ABCC2: variants seen among roughly 807,000 people sequenced by gnomAD.
ABCC2 encodes ATP binding cassette subfamily C member 2, also known as ATP-binding cassette sub-family C member 2.
A neutral mutation model predicts 173.4 loss-of-function variants in ABCC2; 157 were observed. That is an observed-to-expected ratio of 0.91 (90% confidence interval 0.80 to 1.03). The LOEUF is 1.03. Among genes scored for constraint, ABCC2 ranks in the 50% least tolerant of loss-of-function variants. The pLI is 0.00. For missense variants in ABCC2, 1,822 were observed against 1,852.3 expected (o/e 0.98, Z 0.30); for synonymous variants, 657 against 693.5 (o/e 0.95, Z 0.83).
intron 19 of ABCC2, among the ~76,000 whole-genome samples, chr10:99,824,426 T>A (rs1164355608): frequency 6.6e-6 from 1 of 152,172 alleles, no homozygotes; most frequent in Non-Finnish European, 1.5e-5. Context: ...AACAGTCAAT[T>A]AATTTATCTT....
intron 16 of ABCC2, 105 bp downstream of exon 16, chr10:99,813,249 T>A (rs1435698204): frequency 7.1e-7 from 1 of 1,415,040 alleles, no homozygotes; most frequent in Non-Finnish European, 9.7e-7. Context: ...GGTGAGGTCT[T>A]GGAGACATCC....
At position 99,830,813 on chromosome 10, in the gene ABCC2, C is replaced by A; in HGVS notation, c.2845C>A (p.Gln949Lys). The change falls in exon 21 of 32, where the codon CAA (glutamine) becomes AAA (lysine). Residue 949 changes from glutamine to lysine, a missense_variant. Gln to Lys is a moderately conservative substitution (Grantham distance 53). Coordinates refer to ENST00000647814, the MANE Select transcript of ABCC2 (RefSeq NM_000392.5). Reference protein sequence around the residue: ...LKEDEELVKGQKLIKKEFIET... With the variant: ...LKEDEELVKGKKLIKKEFIET... ...GGAAGACGAAGAACTAGTGAAAGGA[C>A]AAAAACTAATTAAGAAGGAATTCAT... 1 of 1,613,940 alleles carries A rather than the reference C, an allele frequency of 6.2e-7. No homozygotes were observed. The highest frequency in any genetic ancestry group is 8.5e-7 in the Non-Finnish European group (1 of 1,179,964).
rs1037549609 is a variant in ABCC2 at position 99,782,831 on chromosome 10, G to T, written c.-14G>T. 1.2e-6 allele frequency: 2 copies of T among 1,613,408 alleles called. No individual in the cohort carries two copies. Among genetic ancestry groups the T allele is most frequent in the Non-Finnish European group, 1.7e-6 (2 of 1,179,548 alleles). On this transcript the variant is annotated 5_prime_UTR_variant, in exon 1 of 32. Transcript: ENST00000647814. ...TAATAGAAGAGTCTTCGTTCCAGAC[G>T]CAGTCCAGGAATCATGCTGGAGAAG...
At chr10:99,846,373 C>T (rs1465103676) in intron 29 of ABCC2, among the ~76,000 whole-genome samples, 1 of 152,198 alleles carries the variant, frequency 6.6e-6, no homozygotes, top group Non-Finnish European at 1.5e-5. Context: ...CTGGTGTTTG[C>T]TCAGTTCGAT....
In ABCC2 at chr10:99,814,190, C is replaced by T. The variant is rs565567278; in HGVS notation, c.2094+1046C>T. Among the ~76,000 whole-genome samples the T allele has an allele frequency of 5.0e-4, 44 of 88,778 alleles. 5 individuals are homozygous for T. The highest frequency in any genetic ancestry group is 1.5e-3 in the Admixed American group (14 of 9,044). The allele number at this position is 88,778 out of a possible 152,430, so 58.2% of individuals were successfully genotyped here. A position where few individuals can be genotyped will look rare whatever the true frequency, so the allele number is the denominator to read the frequency against. On this transcript the variant is annotated intron_variant, in intron 16 of 31. Coordinates refer to ENST00000647814, the MANE Select transcript of ABCC2 (RefSeq NM_000392.5). ...ATATATACACACATGTATGTATACA[C>T]ACATGTGTATATATACACACATGTG... is the stretch of plus-strand genomic sequence containing the variant.
At chr10:99,790,945 G>T (rs1009122879) in intron 2 of ABCC2, among the ~76,000 whole-genome samples, 2 of 152,170 alleles carry the variant, frequency 1.3e-5, no homozygotes, top group African/African-American at 4.8e-5. Context: ...CATGAGGGGA[G>T]GGGAGATGGT....
chr10:99,800,668 C>A, intron 9 of ABCC2, 105 bp downstream of exon 9: 1 of 1,317,950 alleles, frequency 7.6e-7, no homozygotes, highest in Non-Finnish European at 1.1e-6. Flanking sequence ...CTTATCTCAA[C>A]ACTTAATGTT....
rs2038562051 is a variant in ABCC2 at position 99,822,880 on chromosome 10, T to TA, written c.2620+3613dup. Among the ~76,000 whole-genome samples the TA allele has an allele frequency of 2.0e-5, 3 of 152,170 alleles. No individual in the cohort carries two copies. The South Asian group carries it at 6.2e-4, about 31-fold the overall frequency. On this transcript the variant is annotated intron_variant, in intron 19 of 31. Coordinates refer to ENST00000647814, the MANE Select transcript of ABCC2 (RefSeq NM_000392.5). ...TTGTATGTGAAATTTTCCACTGACT[T>TA]AAGAATTTTTGGAAAGCTTTACTAC...
chr10:99,845,501 T>C lies in ABCC2; in HGVS notation c.3988-123T>C, dbSNP rs1318183549. ...CTCACCAAAACCAAAATCAGTTTAA[T>C]ATCTTAGAGATGGAGTAGCCAGTCA... On this transcript the variant is annotated intron_variant, in intron 28 of 31. Transcript: ENST00000647814. 20 of 1,275,542 alleles carry C rather than the reference T, an allele frequency of 1.6e-5. No individual in the cohort carries two copies. The African/African-American group carries it at 1.9e-4, about 12-fold the overall frequency. The allele number at this position is 1,275,542 out of a possible 1,614,324, so 79.0% of individuals were successfully genotyped here.
Position 99,808,143 on chromosome 10 carries a change from C to CA in ABCC2, c.1733dup (p.Ala579GlyfsTer43). On this transcript the variant is annotated frameshift_variant, in exon 13 of 32. Coordinates refer to ENST00000647814, the MANE Select transcript of ABCC2 (RefSeq NM_000392.5). LOFTEE classifies it high-confidence loss of function. ...GGATAGCAACAATATTTTGGATGCA[C>CA]AAAAGGCCTTCACCTCCATTACCCT... is the stretch of plus-strand genomic sequence containing the variant. 6.2e-7 allele frequency: 1 copy of CA among 1,614,058 alleles called. No homozygotes were observed. The highest frequency in any genetic ancestry group is 1.6e-4 in the Middle Eastern group (1 of 6,062).
intron 7 of ABCC2, chr10:99,797,714 ATCTTTTGTGAG>A (rs1349340482): frequency 3.9e-6 from 1 of 259,302 alleles, no homozygotes; most frequent in Non-Finnish European, 7.5e-6. Flanking sequence ...AAGATTGCTC[ATCTTTTGTGAG>A]CTAGAAAATA....
intron 16 of ABCC2, among the ~76,000 whole-genome samples, chr10:99,815,886 C>T (rs1273542474): frequency 2.0e-5 from 3 of 152,018 alleles, no homozygotes; most frequent in Non-Finnish European, 4.4e-5. Context: ...CTTCTAACTC[C>T]TTTTGGGAAG....
chr10:99,812,076 C>T (rs1271719647), intron 15 of ABCC2, among the ~76,000 whole-genome samples: 2 of 152,234 alleles, frequency 1.3e-5, no homozygotes, highest in Non-Finnish European at 2.9e-5. Flanking sequence ...AATTCATCCA[C>T]TGAGCACAGC....
chr10:99,828,045 C>G (rs113302397), intron 19 of ABCC2, among the ~76,000 whole-genome samples: 13 of 148,666 alleles, frequency 8.7e-5, no homozygotes, highest in African/African-American at 3.2e-4. Context: ...CTAGAGTTCT[C>G]TGAGTTATTG....
chr10:99,814,781 A>G (rs1264367103), intron 16 of ABCC2, among the ~76,000 whole-genome samples: 3 of 113,818 alleles, frequency 2.6e-5, no homozygotes, highest in African/African-American at 1.2e-4. Context: ...GTGTGTATGT[A>G]TATACACACA....
chr10:99,818,301 A>C (rs2038458335), intron 17 of ABCC2, among the ~76,000 whole-genome samples: 1 of 152,238 alleles, frequency 6.6e-6, no homozygotes, highest in South Asian at 2.1e-4. Flanking sequence ...CCTCTAAATA[A>C]AGACCCTGCA....
In ABCC2 at chr10:99,851,769, T is replaced by C. The variant is rs1326370975; in HGVS notation, c.*138T>C. ...AAGGATAAGTGAACACCCATGAACC[T>C]ACTACCCAGGTTAAGAAAATAAATG... On this transcript the variant is annotated 3_prime_UTR_variant, in exon 32 of 32. Transcript: ENST00000647814. The C allele has an allele frequency of 7.1e-6, 6 of 840,900 alleles. No individual in the cohort carries two copies. Among genetic ancestry groups the C allele is most frequent in the African/African-American group, 1.7e-5 (1 of 57,752 alleles). The allele number at this position is 840,900 out of a possible 1,614,324, so 52.1% of individuals were successfully genotyped here.
At chr10:99,794,798 C>T (rs933831019) in intron 6 of ABCC2, among the ~76,000 whole-genome samples, 1 of 152,164 alleles carries the variant, frequency 6.6e-6, no homozygotes, top group Non-Finnish European at 1.5e-5. Context: ...GCCTTGGCCT[C>T]TCTACGTGCT....
chr10:99,801,158 C>G (rs540612801), intron 9 of ABCC2, among the ~76,000 whole-genome samples: 2 of 152,252 alleles, frequency 1.3e-5, no homozygotes, highest in Non-Finnish European at 2.9e-5. Flanking sequence ...TTCTGCAGAC[C>G]TGGAAGCTTT....
Sources: gnomAD v4.1 joint callset for allele counts (sites outside exome capture counted in the v4.1 genomes callset) on GRCh38, gnomAD v4.1.1 for gene constraint, MANE v1.5 for transcripts, NCBI Gene and HGNC (gene_info 2026-07-23, HGNC 2026-07-21) for gene names.